The following CFI variants were observed in gnomAD, a reference collection of about 807,000 sequenced individuals.
CFI encodes the protein C3B/C4B inactivator.
A neutral mutation model predicts 78.8 loss-of-function variants in CFI; 66 were observed. The ratio of observed to expected loss-of-function variants is 0.84; its 90% CI spans 0.69 to 1.03. The LOEUF is 1.03. CFI is among the 50% of genes least tolerant of loss of function. The probability of loss-of-function intolerance (pLI) is 0.00; values close to 1 mark genes in which losing one functional copy is unlikely to be tolerated. For synonymous variants in CFI, 250 were observed against 232.6 expected (o/e 1.07, Z -0.68); for missense variants, 706 against 704.5 (o/e 1.00, Z -0.02).
chr4:109,764,236 G>A (rs562404637), intron 3 of CFI: 3 of 431,668 alleles, frequency 6.9e-6, no homozygotes, highest in East Asian at 5.0e-5. Context: ...GTGAAAAAGT[G>A]TACATAATTG....
chr4:109,739,650 T>C (rs1723594575), downstream of CFI, among the ~76,000 whole-genome samples: 1 of 152,188 alleles, frequency 6.6e-6, no homozygotes, highest in South Asian at 2.1e-4. Context: ...ATACTAGTGT[T>C]CAGTGGCATA....
intron 1 of CFI, among the ~76,000 whole-genome samples, chr4:109,784,169 C>T (rs567543754): frequency 6.6e-6 from 1 of 151,752 alleles, no homozygotes; most frequent in Non-Finnish European, 1.5e-5. Context: ...CACCTGTACC[C>T]TAATAACTAA....
intron 6 of CFI, among the ~76,000 whole-genome samples, chr4:109,759,753 G>A (rs867200006): frequency 6.6e-6 from 1 of 152,100 alleles, no homozygotes; most frequent in African/African-American, 2.4e-5. Context: ...AATTAGCCAG[G>A]CATGGTGGCA....
chr4:109,798,647 T>G (rs910820545), intron 1 of CFI, among the ~76,000 whole-genome samples: 1 of 152,002 alleles, frequency 6.6e-6, no homozygotes, highest in Non-Finnish European at 1.5e-5. Context: ...AATTTTTGGT[T>G]GAAAATTTTT....
chr4:109,750,472 C>T lies in CFI; in HGVS notation c.941-870G>A, dbSNP rs577018429. On this transcript the variant is annotated intron_variant, in intron 8 of 12. Transcript: ENST00000394634. ...CTGAGAGATGATGTGCCAGTGACCC[C>T]GGGACAAGTGGGTTAGCGGGCTGGG... 1.4e-4 allele frequency among the ~76,000 whole-genome samples: 22 copies of T among 152,124 alleles called. No homozygotes were observed. In the South Asian group the frequency reaches 3.9e-3, roughly 27 times the overall value.
intron 1 of CFI, among the ~76,000 whole-genome samples, chr4:109,770,038 G>A (rs1055850342): frequency 6.6e-6 from 1 of 152,148 alleles, no homozygotes; most frequent in African/African-American, 2.4e-5. Flanking sequence ...CTCTTTGCCT[G>A]GGGTGCAGGT....
chr4:109,795,442 A>G (rs1731939198), intron 1 of CFI, among the ~76,000 whole-genome samples: 1 of 152,244 alleles, frequency 6.6e-6, no homozygotes, highest in African/African-American at 2.4e-5. Flanking sequence ...AGACATTAAT[A>G]CAGGTTACAA....
intron 1 of CFI, among the ~76,000 whole-genome samples, chr4:109,775,783 C>T (rs1409193482): frequency 1.3e-5 from 2 of 152,136 alleles, no homozygotes; most frequent in African/African-American, 4.8e-5. Context: ...GCCGAGTGCC[C>T]CTCTGAGACG....
chr4:109,766,852 T>C (rs772797728), intron 1 of CFI, 28 bp from the exon 2 acceptor site: 3 of 1,612,014 alleles, frequency 1.9e-6, no homozygotes, highest in South Asian at 2.2e-5. Flanking sequence ...AACATTAACT[T>C]AGCAACAAAT....
At chr4:109,741,396 C>G (rs1723776688) in intron 12 of CFI, 1 of 979,018 alleles carries the variant, frequency 1.0e-6, no homozygotes, top group African/African-American at 1.8e-5. Flanking sequence ...AAAGTTGCAT[C>G]AAATGCTGAG....
chr4:109,760,246 A>T (rs2126213647), intron 6 of CFI, 24 bp downstream of exon 6: 3 of 1,541,372 alleles, frequency 1.9e-6, no homozygotes, highest in South Asian at 2.2e-5. Context: ...AATGAAAAAA[A>T]GTCACCCCAA....
the CFI span, among the ~76,000 whole-genome samples, chr4:109,733,874 A>G: frequency 6.6e-6 from 1 of 152,202 alleles, no homozygotes; most frequent in Non-Finnish European, 1.5e-5. Context: ...ATGGCTTTTA[A>G]AGTCATGGGG....
At chr4:109,746,677 C>G (rs1463018225) in intron 10 of CFI, among the ~76,000 whole-genome samples, 175 bp from the exon 11 acceptor site, 2 of 152,090 alleles carry the variant, frequency 1.3e-5, no homozygotes, top group Non-Finnish European at 2.9e-5. Flanking sequence ...AGAATTAGGT[C>G]AATGGTAAAT....
chr4:109,777,931 C>A (rs1729485085), intron 1 of CFI, among the ~76,000 whole-genome samples: 1 of 151,966 alleles, frequency 6.6e-6, no homozygotes, highest in Admixed American at 6.6e-5. Flanking sequence ...TCTTTGAAAC[C>A]AATGAGAACA....
At chr4:109,782,431 C>CCAA (rs1165382697) in intron 1 of CFI, among the ~76,000 whole-genome samples, 1 of 138,068 alleles carries the variant, frequency 7.2e-6, no homozygotes, top group African/African-American at 2.6e-5. Flanking sequence ...ACAATAGCTG[C>CCAA]AAAAAAAAAA....
chr4:109,793,203 T>C (rs141905942), intron 1 of CFI, among the ~76,000 whole-genome samples: 28 of 152,354 alleles, frequency 1.8e-4, no homozygotes, highest in Admixed American at 7.8e-4. Flanking sequence ...CTAGTTTGAA[T>C]TGATAACTTG....
At chr4:109,765,134 G>A (rs548675140) in intron 2 of CFI, among the ~76,000 whole-genome samples, 1 of 152,336 alleles carries the variant, frequency 6.6e-6, no homozygotes, top group South Asian at 2.1e-4. Flanking sequence ...GAGAAGAAAA[G>A]TCTGACACTG....
At chr4:109,772,074 A>C (rs1347805171) in intron 1 of CFI, among the ~76,000 whole-genome samples, 1 of 152,252 alleles carries the variant, frequency 6.6e-6, no homozygotes, top group African/African-American at 2.4e-5. Context: ...TACCATTTTA[A>C]ATTTCAGATG....
intron 1 of CFI, among the ~76,000 whole-genome samples, chr4:109,799,616 T>C (rs1386315464): frequency 6.6e-6 from 1 of 152,188 alleles, no homozygotes; most frequent in Non-Finnish European, 1.5e-5. Context: ...TACAACAGTA[T>C]TATAAGTGAT....
Sources: gnomAD v4.1 joint callset for allele counts (sites outside exome capture counted in the v4.1 genomes callset) on GRCh38, gnomAD v4.1.1 for gene constraint, MANE v1.5 for transcripts, NCBI Gene and HGNC (gene_info 2026-07-23, HGNC 2026-07-21) for gene names.